Variants in PTCHD4 observed in about 807,000 individuals in gnomAD.
The protein encoded by PTCHD4 is patched domain containing 4, also known as patched domain-containing protein 4.
Under a neutral mutation model 58.1 loss-of-function variants are expected in PTCHD4, and 33 were observed. That is an observed-to-expected ratio of 0.57 (90% CI 0.43 to 0.76). The LOEUF is 0.76. PTCHD4 is among the 30% of genes least tolerant of loss of function. PTCHD4 has a pLI of 0.00. For missense variants in PTCHD4, 1,058 were observed against 1,027.1 expected (o/e 1.03, Z -0.41); for synonymous variants, 478 against 409.6 (o/e 1.17, Z -2.02).
At chr6:47,907,875 TC>T (rs1457129766) in intron 4 of PTCHD4, among the ~76,000 whole-genome samples, 2 of 152,050 alleles carry the variant, frequency 1.3e-5, no homozygotes, top group African/African-American at 4.8e-5. Flanking sequence ...AAACCTGGAC[TC>T]CCCTACTTCC....
chr6:47,904,943 T>A (rs541565017), intron 4 of PTCHD4, among the ~76,000 whole-genome samples: 7 of 151,740 alleles, frequency 4.6e-5, no homozygotes, highest in Non-Finnish European at 8.8e-5. Context: ...AGACATGAAG[T>A]GGTGAAAACA....
intron 1 of PTCHD4, among the ~76,000 whole-genome samples, chr6:48,099,745 G>A (rs1472433204): frequency 6.6e-6 from 1 of 152,186 alleles, no homozygotes; most frequent in African/African-American, 2.4e-5. Context: ...GAGCTTCTAG[G>A]CTATGCTGTG....
chr6:48,060,072 T>C (rs1018400255), intron 3 of PTCHD4, among the ~76,000 whole-genome samples: 14 of 152,204 alleles, frequency 9.2e-5, no homozygotes, highest in African/African-American at 3.4e-4. Flanking sequence ...AGACTCAAGC[T>C]CCCGGAGGGC....
chr6:47,985,266 G>GA (rs1346162424), intron 4 of PTCHD4, among the ~76,000 whole-genome samples: 1 of 150,942 alleles, frequency 6.6e-6, no homozygotes, highest in East Asian at 1.9e-4. Flanking sequence ...AATAAATATT[G>GA]AAAAAAAAGG....
intron 4 of PTCHD4, among the ~76,000 whole-genome samples, chr6:47,972,106 A>G (rs1767534719): frequency 6.6e-6 from 1 of 152,230 alleles, no homozygotes; most frequent in African/African-American, 2.4e-5. Context: ...ATGGTAAAAC[A>G]ATAATGAGAT....
chr6:47,888,484 G>A (rs1259432943), intron 4 of PTCHD4, among the ~76,000 whole-genome samples: 1 of 152,090 alleles, frequency 6.6e-6, no homozygotes, highest in African/African-American at 2.4e-5. Context: ...TCTCTAATAA[G>A]AAAAAATAAA....
Position 48,068,484 on chromosome 6 carries a change from G to T in PTCHD4, c.163C>A (p.Leu55Ile), listed in dbSNP as rs1441771796. 2 of 1,613,438 alleles carry T rather than the reference G, an allele frequency of 1.2e-6. No individual in the cohort carries two copies. The highest frequency in any genetic ancestry group is 1.7e-6 in the Non-Finnish European group (2 of 1,179,840). Residue 55 changes from leucine to isoleucine, a missense_variant, in exon 3 of 5, where the codon CTC (leucine) becomes ATC (isoleucine). Transcript: ENST00000339488. The surrounding 1 kb of genome is among the most constrained non-coding windows in gnomAD (Gnocchi z 4.2). ...GGCTGGAAGCGGTTGAGCGCGCTGAGGCCGAAGGTGATTGTCAGGACTGCG... is the reference window on the plus strand; with the variant it reads ...GGCTGGAAGCGGTTGAGCGCGCTGATGCCGAAGGTGATTGTCAGGACTGCG... Reference protein sequence around the residue: ...VPAVLTITFGLSALNRFQPEG... With the variant: ...VPAVLTITFGISALNRFQPEG...
intron 4 of PTCHD4, among the ~76,000 whole-genome samples, chr6:48,006,031 C>T (rs929532527): frequency 1.3e-5 from 2 of 152,140 alleles, no homozygotes; most frequent in Non-Finnish European, 2.9e-5. Flanking sequence ...CAAATGCCCC[C>T]TTTATGGAGC....
At chr6:48,019,359 G>C (rs1411782648) in intron 3 of PTCHD4, among the ~76,000 whole-genome samples, 1 of 151,978 alleles carries the variant, frequency 6.6e-6, no homozygotes, top group Admixed American at 6.6e-5. Context: ...AGGATAGAGT[G>C]GTAGACAGCT....
At chr6:48,032,411 TCTC>T (rs1763479102) in intron 3 of PTCHD4, among the ~76,000 whole-genome samples, 2 of 152,052 alleles carry the variant, frequency 1.3e-5, no homozygotes, top group South Asian at 4.1e-4. Context: ...TCTCTCCCTC[TCTC>T]TGTGTATGCG....
At chr6:47,907,376 C>T (rs1005018829) in intron 4 of PTCHD4, among the ~76,000 whole-genome samples, 1 of 152,114 alleles carries the variant, frequency 6.6e-6, no homozygotes, top group African/African-American at 2.4e-5. Context: ...ATTGAAAAGA[C>T]TCATTTCATT....
chr6:48,061,377 T>C (rs181105562), intron 3 of PTCHD4, among the ~76,000 whole-genome samples: 132 of 152,362 alleles, frequency 8.7e-4, no homozygotes, highest in Admixed American at 1.8e-3. Flanking sequence ...GATACCTCTT[T>C]GGTGTTTCCA....
intron 4 of PTCHD4, among the ~76,000 whole-genome samples, chr6:47,880,862 A>G (rs899665251): frequency 6.6e-6 from 1 of 152,200 alleles, no homozygotes; most frequent in African/African-American, 2.4e-5. Context: ...TACTAGCAAA[A>G]GGAGAAAGCA....
chr6:47,999,162 T>C (rs936532066), intron 4 of PTCHD4, among the ~76,000 whole-genome samples: 8 of 152,138 alleles, frequency 5.3e-5, no homozygotes, highest in African/African-American at 1.9e-4. Context: ...GATGTTAAAA[T>C]ACAATGAGTT....
At chr6:47,956,473 A>C (rs1393974486) in intron 4 of PTCHD4, among the ~76,000 whole-genome samples, 2 of 151,588 alleles carry the variant, frequency 1.3e-5, no homozygotes, top group East Asian at 3.9e-4. Context: ...TAGCTATGTC[A>C]TCCAGGCTGG....
At chr6:47,949,738 C>A (rs1766562521) in intron 4 of PTCHD4, among the ~76,000 whole-genome samples, 1 of 152,052 alleles carries the variant, frequency 6.6e-6, no homozygotes, top group Non-Finnish European at 1.5e-5. Context: ...TCCTTACTAG[C>A]CTTGGGGTAA....
At chr6:48,071,133 C>A (rs1482891828) in intron 1 of PTCHD4, among the ~76,000 whole-genome samples, 1 of 152,200 alleles carries the variant, frequency 6.6e-6, no homozygotes, top group East Asian at 1.9e-4. Context: ...ATTTCATTTC[C>A]TTCGGTAGCA....
At chr6:48,029,851 G>A (rs1763373511) in intron 3 of PTCHD4, among the ~76,000 whole-genome samples, 1 of 152,070 alleles carries the variant, frequency 6.6e-6, no homozygotes, top group Admixed American at 6.6e-5. Flanking sequence ...AGAAACTAAG[G>A]TTGACTTTAT....
intron 3 of PTCHD4, among the ~76,000 whole-genome samples, chr6:48,022,249 C>A (rs568673345): frequency 6.6e-6 from 1 of 151,640 alleles, no homozygotes; most frequent in South Asian, 2.1e-4. Flanking sequence ...CCTCTTTCCT[C>A]TCTCATCTCT....
Sources: allele counts gnomAD v4.1 joint callset (sites outside exome capture counted in the v4.1 genomes callset), GRCh38; gene constraint gnomAD v4.1.1; non-coding constraint Gnocchi (gnomAD v3.1); transcripts MANE v1.5; gene names NCBI Gene and HGNC (gene_info 2026-07-23, HGNC 2026-07-21).